The following ZNF793 variants were observed in gnomAD, a reference collection of about 807,000 sequenced individuals.
The protein encoded by ZNF793 is zinc finger protein 793.
A neutral mutation model predicts 12.4 loss-of-function variants in ZNF793; 5 were observed. That is an observed-to-expected ratio of 0.40 (90% CI 0.21 to 0.84). ZNF793 has a LOEUF of 0.84. Ranked by LOEUF, ZNF793 falls within the 40% of genes least tolerant of loss-of-function variation. The pLI, the probability that ZNF793 is intolerant of heterozygous loss-of-function variation, is 0.35. For synonymous variants in ZNF793, 162 were observed against 172.4 expected (o/e 0.94, Z 0.47); for missense variants, 456 against 495.0 (o/e 0.92, Z 0.75).
intron 5 of ZNF793, among the ~76,000 whole-genome samples, chr19:37,523,914 C>T (rs2042393527): frequency 6.6e-6 from 1 of 152,072 alleles, no homozygotes. Context: ...CTTTGGGAGG[C>T]CAAGGCAGTT....
At chr19:37,520,945 TG>T (rs1249108395) in intron 3 of ZNF793, among the ~76,000 whole-genome samples, 2 of 152,062 alleles carry the variant, frequency 1.3e-5, no homozygotes, top group Admixed American at 1.3e-4. Context: ...TGGAGTACAA[TG>T]GCAGAATCTC....
intron 2 of ZNF793, among the ~76,000 whole-genome samples, chr19:37,511,032 A>G (rs904136879): frequency 2.6e-5 from 4 of 152,068 alleles, no homozygotes; most frequent in African/African-American, 9.7e-5. Flanking sequence ...CATAATACAC[A>G]TGTAGTGAAG....
At position 37,532,491 on chromosome 19, in the gene ZNF793, A is replaced by G; in HGVS notation, c.142+9A>G. The G allele has an allele frequency of 5.0e-6, 8 of 1,594,566 alleles. No individual in the cohort carries two copies. Among genetic ancestry groups the G allele is most frequent in the Non-Finnish European group, 6.0e-6 (7 of 1,170,880 alleles). On this transcript the variant is annotated intron_variant, in intron 6 of 7. Transcript: ENST00000627814. ...CAACCTCGTCTCAGTGGGTAAGAACATCCTCACCATACAATGCAGATTATG... is the reference window on the plus strand; with the variant it reads ...CAACCTCGTCTCAGTGGGTAAGAACGTCCTCACCATACAATGCAGATTATG...
At chr19:37,531,636 T>A (rs942021681) in intron 5 of ZNF793, among the ~76,000 whole-genome samples, 4 of 152,202 alleles carry the variant, frequency 2.6e-5, no homozygotes, top group Non-Finnish European at 5.9e-5. Flanking sequence ...GCTTTCCATA[T>A]CCCTGGGCTC....
At chr19:37,529,337 G>A (rs1040395508) in intron 5 of ZNF793, among the ~76,000 whole-genome samples, 1 of 152,028 alleles carries the variant, frequency 6.6e-6, no homozygotes, top group Admixed American at 6.6e-5. Flanking sequence ...CTTTCACCCA[G>A]GTTACTATAG....
chr19:37,538,002 C>T lies in ZNF793; in HGVS notation c.*123C>T, dbSNP rs1287746711. On this transcript the variant is annotated 3_prime_UTR_variant, in exon 8 of 8. Transcript: ENST00000627814. ...TCTCGGCTTACTGCAAGCTCTGCCT[C>T]CCGGGTTCACGCCATTCTCCTGCCT... 1.6e-6 allele frequency: 2 copies of T among 1,214,772 alleles called. No homozygotes were observed. The highest frequency in any genetic ancestry group is 2.9e-5 in the Admixed American group (1 of 34,244). 75.2% of individuals were successfully genotyped at this position (1,214,772 alleles called of 1,614,324 possible).
At position 37,539,779 on chromosome 19, in the gene ZNF793, A is replaced by G. The variant is rs2042539450; in HGVS notation, c.*1900A>G. 1 of 152,210 alleles carries G rather than the reference A, an allele frequency of 6.6e-6. No homozygotes were observed. Among genetic ancestry groups the G allele is most frequent in the Admixed American group, 6.5e-5 (1 of 15,280 alleles). The allele number at this position is 152,210 out of a possible 1,614,324, so 9.4% of individuals were successfully genotyped here. ...AAGTAGAAAACTTGGTAGGATAGTT[A>G]ACATTGAAAAACTCAAAAAAGCTAT... On this transcript the variant is annotated 3_prime_UTR_variant, in exon 8 of 8. Transcript: ENST00000627814.
chr19:37,511,772 A>T (rs2042296217), intron 2 of ZNF793, among the ~76,000 whole-genome samples: 1 of 152,204 alleles, frequency 6.6e-6, no homozygotes, highest in Non-Finnish European at 1.5e-5. Flanking sequence ...TACACAGTGA[A>T]CTAGACCCTG....
chr19:37,510,919 A>C (rs188448493), intron 2 of ZNF793, among the ~76,000 whole-genome samples: 269 of 151,912 alleles, frequency 1.8e-3, no homozygotes, highest in African/African-American at 6.3e-3. Flanking sequence ...GGATGGTCTC[A>C]ATCTCCTGAC....
chr19:37,529,453 C>G (rs889495308), intron 5 of ZNF793, among the ~76,000 whole-genome samples: 1 of 152,018 alleles, frequency 6.6e-6, no homozygotes, highest in Non-Finnish European at 1.5e-5. Flanking sequence ...CTCTTGTAGG[C>G]AGCATTTTTT....
At chr19:37,527,934 C>T (rs1204151350) in intron 5 of ZNF793, among the ~76,000 whole-genome samples, 1 of 150,016 alleles carries the variant, frequency 6.7e-6, no homozygotes, top group Admixed American at 6.7e-5. Context: ...GCCTGGACAA[C>T]ATGGTGAAAC....
At chr19:37,509,387 G>A (rs141714698) in intron 2 of ZNF793, among the ~76,000 whole-genome samples, 155 of 152,264 alleles carry the variant, frequency 1.0e-3, no homozygotes, top group African/African-American at 3.3e-3. Context: ...ATGAAAAAGT[G>A]CAATGTCAAA....
rs571922054 is a variant in ZNF793, at chr19:37,510,639, G to A, written c.-276+2236G>A. ...TTCAAGGTTGCAGTGAGCTATGATTGTGCCACTGCACCCTAGCCTGGGTGA... is the reference window on the plus strand; with the variant it reads ...TTCAAGGTTGCAGTGAGCTATGATTATGCCACTGCACCCTAGCCTGGGTGA... On this transcript the variant is annotated intron_variant, in intron 2 of 7. Coordinates refer to ENST00000627814, the MANE Select transcript of ZNF793 (RefSeq NM_001013659.3). Among the ~76,000 whole-genome samples, 3 of 150,874 alleles carry A rather than the reference G, an allele frequency of 2.0e-5. No individual in the cohort carries two copies. The South Asian group carries it at 6.3e-4, about 32-fold the overall frequency.
At position 37,537,155 on chromosome 19, in the gene ZNF793, GTTATGC is replaced by G. The variant is rs774572293; in HGVS notation, c.503_508del (p.Ala168_Tyr169del). 178 of 1,613,460 alleles carry G rather than the reference GTTATGC, an allele frequency of 1.1e-4. 1 individual carries two copies. The highest frequency in any genetic ancestry group is 1.6e-4 in the Middle Eastern group (1 of 6,082). Reference sequence around the variant, plus strand: ...AACTGTGCAAAAAAGCAAGATGAGTGTTATGCTTATGGGAAATTGCTTCAGCGTATA... The same window carrying G: ...AACTGTGCAAAAAAGCAAGATGAGTGTTATGGGAAATTGCTTCAGCGTATA... On this transcript the variant is annotated inframe_deletion, in exon 8 of 8. Coordinates refer to ENST00000627814, the MANE Select transcript of ZNF793 (RefSeq NM_001013659.3).
At position 37,541,418 on chromosome 19, in the gene ZNF793, C is replaced by G. The variant is rs2042551115; in HGVS notation, c.*3539C>G. The G allele has an allele frequency of 6.6e-6, 1 of 152,362 alleles. No individual in the cohort carries two copies. Among genetic ancestry groups the G allele is most frequent in the Admixed American group, 6.5e-5 (1 of 15,280 alleles). 9.4% of individuals were successfully genotyped at this position (152,362 alleles called of 1,614,324 possible). On this transcript the variant is annotated 3_prime_UTR_variant, in exon 8 of 8. Transcript: ENST00000627814. ...TGAAGGCTGGGTGCAGTGGCTCATGCCTGTAATCCCAACACTTTGGGAGGC... is the reference window on the plus strand; with the variant it reads ...TGAAGGCTGGGTGCAGTGGCTCATGGCTGTAATCCCAACACTTTGGGAGGC...
At chr19:37,536,418 G>A (rs1278941975) in intron 7 of ZNF793, 2 of 399,552 alleles carry the variant, frequency 5.0e-6, no homozygotes, top group Non-Finnish European at 8.8e-6. Flanking sequence ...CCACATGCTG[G>A]ATAGCAAGGT....
At chr19:37,530,103 G>A (rs1012935917) in intron 5 of ZNF793, among the ~76,000 whole-genome samples, 1 of 152,062 alleles carries the variant, frequency 6.6e-6, no homozygotes, top group Non-Finnish European at 1.5e-5. Context: ...AAATAATTAA[G>A]TGCTGTGCTT....
In ZNF793 at chr19:37,530,107, T is replaced by C. The variant is rs199738688; in HGVS notation, c.16-2249T>C. 2.0e-4 allele frequency among the ~76,000 whole-genome samples: 31 copies of C among 152,258 alleles called. No individual in the cohort carries two copies. The East Asian group carries it at 4.3e-3, about 21-fold the overall frequency. On this transcript the variant is annotated intron_variant, in intron 5 of 7. Coordinates refer to ENST00000627814, the MANE Select transcript of ZNF793 (RefSeq NM_001013659.3). ...ATAGACAAGGTAAATAATTAAGTGCTGTGCTTTAGATATGCATACACATAA... is the reference window on the plus strand; with the variant it reads ...ATAGACAAGGTAAATAATTAAGTGCCGTGCTTTAGATATGCATACACATAA...
rs1399603832 is a variant in ZNF793 at position 37,538,868 on chromosome 19, CAT to C, written c.*990_*991del. On this transcript the variant is annotated 3_prime_UTR_variant, in exon 8 of 8. Transcript: ENST00000627814. ...TAACATAAAATGTGAATATCAGACA[CAT>C]GTCACACAACATATAGAATGCCATT... 1 of 152,204 alleles carries C rather than the reference CAT, an allele frequency of 6.6e-6. No individual in the cohort carries two copies. The highest frequency in any genetic ancestry group is 1.9e-4 in the East Asian group (1 of 5,206). 9.4% of individuals were successfully genotyped at this position (152,204 alleles called of 1,614,324 possible).
Sources: gnomAD v4.1 joint callset for allele counts (sites outside exome capture counted in the v4.1 genomes callset) on GRCh38, gnomAD v4.1.1 for gene constraint, MANE v1.5 for transcripts, NCBI Gene and HGNC (gene_info 2026-07-23, HGNC 2026-07-21) for gene names.